ANK3: variants seen among roughly 807,000 people sequenced by gnomAD.
The protein encoded by ANK3 is ankyrin-3.
In ANK3, 57 loss-of-function variants were observed where a neutral mutation model predicts 370.9. The observed-to-expected ratio is 0.15, with a 90% confidence interval of 0.12 to 0.19. The LOEUF (loss-of-function observed/expected upper bound fraction) is 0.19. ANK3 is among the 10% of genes least tolerant of loss of function. The pLI, the probability that ANK3 is intolerant of heterozygous loss-of-function variation, is 1.00. For synonymous variants in ANK3, 1,929 were observed against 1,946.3 expected (o/e 0.99, Z 0.23); for missense variants, 4,439 against 5,302.1 (o/e 0.84, Z 5.06).
chr10:60,618,453 T>A (rs2133326186), intron 1 of ANK3, among the ~76,000 whole-genome samples: 1 of 152,206 alleles, frequency 6.6e-6, no homozygotes, highest in South Asian at 2.1e-4. Flanking sequence ...GAGACACAGG[T>A]GGGACTTCTC....
At chr10:60,147,330 C>T (rs12247414) in intron 23 of ANK3, among the ~76,000 whole-genome samples, 10,072 of 152,248 alleles carry the variant, frequency 0.066, 961 homozygotes, top group African/African-American at 0.21. Context: ...AGTGAGCATT[C>T]ACTTCCTGCC....
chr10:60,297,328 T>C (rs879623208), intron 1 of ANK3, among the ~76,000 whole-genome samples: 2 of 152,186 alleles, frequency 1.3e-5, no homozygotes, highest in Non-Finnish European at 1.5e-5. Context: ...AAGATATTCT[T>C]ACAAAAATCT....
At chr10:60,051,455 A>G (rs1275262610) in intron 42 of ANK3, 1 of 977,242 alleles carries the variant, frequency 1.0e-6, no homozygotes, top group Non-Finnish European at 1.2e-6. Flanking sequence ...ATGCCACATA[A>G]TGATCCAGCT....
intron 43 of ANK3, among the ~76,000 whole-genome samples, chr10:60,038,679 C>A (rs2075562444): frequency 6.6e-6 from 1 of 150,882 alleles, no homozygotes; most frequent in African/African-American, 2.4e-5. Flanking sequence ...CTACAGGGCT[C>A]TGAATGATGG....
At chr10:60,122,382 T>C (rs939283562) in intron 25 of ANK3, among the ~76,000 whole-genome samples, 4 of 152,160 alleles carry the variant, frequency 2.6e-5, no homozygotes, top group Non-Finnish European at 5.9e-5. Flanking sequence ...ACCACAGTCA[T>C]TGGGTAGGGG....
intron 1 of ANK3, among the ~76,000 whole-genome samples, chr10:60,308,637 G>A (rs977201973): frequency 1.3e-5 from 2 of 152,128 alleles, no homozygotes; most frequent in Non-Finnish European, 2.9e-5. Flanking sequence ...CAGGCTGAGG[G>A]AGGGGAGGAG....
intron 25 of ANK3, among the ~76,000 whole-genome samples, chr10:60,119,748 G>A (rs539016209): frequency 2.6e-4 from 39 of 152,122 alleles, no homozygotes; most frequent in African/African-American, 9.4e-4. Flanking sequence ...CTCTATCCTG[G>A]GCGAAAGAGC....
At position 60,188,246 on chromosome 10, in the gene ANK3, T is replaced by C. The variant is rs2096393486; in HGVS notation, c.1888-1334A>G. On this transcript the variant is annotated intron_variant, in intron 16 of 43. Transcript: ENST00000280772. Reference sequence around the variant, plus strand: ...GATACCCAGAGAGAGACAATCAAGATTCCCTTGATAAACTGTTAGTCAGCT... The same window carrying C: ...GATACCCAGAGAGAGACAATCAAGACTCCCTTGATAAACTGTTAGTCAGCT... Among the ~76,000 whole-genome samples the C allele has an allele frequency of 2.0e-5, 3 of 152,288 alleles. No homozygotes were observed. In the South Asian group the frequency reaches 6.2e-4, roughly 32 times the overall value.
Position 60,108,906 on chromosome 10 carries a change from G to A in ANK3, c.3097C>T (p.Pro1033Ser), listed in dbSNP as rs774072811. 4 of 1,614,066 alleles carry A rather than the reference G, an allele frequency of 2.5e-6. No individual in the cohort carries two copies. Among genetic ancestry groups the A allele is most frequent in the Non-Finnish European group, 3.4e-6 (4 of 1,179,976 alleles). Residue 1033 changes from proline (P) to serine (S), a missense_variant, in exon 27 of 44, where the codon CCA becomes TCA. By Grantham distance (74) the Pro-to-Ser change is moderately conservative. Coordinates refer to ENST00000280772, the MANE Select transcript of ANK3 (RefSeq NM_020987.5). ...CCCTCTCCTTCCACCATGGGGGGTG[G>A]GTTGGCCAGTTTATGTCTCTTTACC... is the stretch of plus-strand genomic sequence containing the variant. ...RLVKRHKLAN[P>S]PPMVEGEGLA...
chr10:60,635,013 T>C (rs373841447), intron 1 of ANK3, among the ~76,000 whole-genome samples: 1 of 152,154 alleles, frequency 6.6e-6, no homozygotes, highest in Non-Finnish European at 1.5e-5. Flanking sequence ...TTGAAGTCAG[T>C]GAGACCAAGA....
intron 9 of ANK3, 109 bp downstream of exon 9, chr10:60,213,303 C>T: frequency 1.4e-6 from 1 of 721,080 alleles, no homozygotes; most frequent in Admixed American, 2.6e-5. Flanking sequence ...AACATAACTA[C>T]TCTGACTGCT....
chr10:60,106,204 G>T, intron 27 of ANK3, 145 bp from the exon 28 acceptor site: 2 of 715,614 alleles, frequency 2.8e-6, no homozygotes, highest in Non-Finnish European at 2.2e-6. Flanking sequence ...AGAATCATTT[G>T]CTAATTAAAG....
At chr10:60,714,307 AC>A (rs1219117034) in intron 1 of ANK3, among the ~76,000 whole-genome samples, 1 of 152,200 alleles carries the variant, frequency 6.6e-6, no homozygotes, top group Non-Finnish European at 1.5e-5. Context: ...GGTGACTTCG[AC>A]CAAAAATTTG....
chr10:60,060,745 T>G (rs1264924257), intron 40 of ANK3: 1 of 152,172 alleles, frequency 6.6e-6, no homozygotes, highest in Admixed American at 6.5e-5. Flanking sequence ...CATGAAGGTC[T>G]TGGTGAAGTC....
At chr10:60,353,159 T>TTG (rs2057184402) in intron 1 of ANK3, among the ~76,000 whole-genome samples, 1 of 122,882 alleles carries the variant, frequency 8.1e-6, no homozygotes, top group South Asian at 2.6e-4. Flanking sequence ...TTTTGTTTTG[T>TTG]TTTTTTTTTT....
Position 60,106,035 on chromosome 10 carries a change from G to A in ANK3, c.3198C>T (p.His1066=), listed in dbSNP as rs1217277221. The A allele has an allele frequency of 3.7e-6, 6 of 1,609,032 alleles. No individual in the cohort carries two copies. The African/African-American group carries it at 8.0e-5, about 22-fold the overall frequency. ...TCTCTTTTCCTCTCATGGACCCAAA[G>A]TGAGGGATTTCCACTATGACAGGGC... The part of the protein sequence containing the change: ...FLGPVIVEIP[H]FGSMRGKERE... The change falls in exon 28 of 44, where the codon CAC becomes CAT. Residue 1066 remains histidine, a synonymous_variant. Transcript: ENST00000280772.
Position 60,069,188 on chromosome 10 carries a change from G to T in ANK3, c.11693C>A (p.Thr3898Asn). The stretch of plus-strand genomic sequence containing the variant: ...ACATGAAGAAGTAGTAAGGGCTTTG[G>T]TTTTCTCGGATTGACTAACCTGCTT... ...KMKQVSQSEKTKALTTSSCVD... is the reference protein window; with the variant it reads ...KMKQVSQSEKNKALTTSSCVD... The change falls in exon 37 of 44, where the codon ACC becomes AAC. Residue 3898 changes from threonine to asparagine, a missense_variant. Around this residue, in one of 13 missense-constraint regions of ANK3, gnomAD observed 496 missense variants for 529.3 expected, o/e 0.94. Coordinates refer to ENST00000280772, the MANE Select transcript of ANK3 (RefSeq NM_020987.5). 6.2e-7 allele frequency: 1 copy of T among 1,614,112 alleles called. No homozygotes were observed. The highest frequency in any genetic ancestry group is 8.5e-7 in the Non-Finnish European group (1 of 1,180,004).
At chr10:60,611,391 C>G (rs556547719) in intron 2 of ANK3, among the ~76,000 whole-genome samples, 2 of 152,276 alleles carry the variant, frequency 1.3e-5, no homozygotes, top group African/African-American at 4.8e-5. Context: ...CTGAACCTAA[C>G]AGAAGGCAGT....
chr10:60,553,174 G>T (rs72822818), intron 2 of ANK3, among the ~76,000 whole-genome samples: 111 of 152,084 alleles, frequency 7.3e-4, no homozygotes, highest in Admixed American at 1.0e-3. Flanking sequence ...TCCCTAATAC[G>T]GGGAGGTGCT....
Sources: gnomAD v4.1 joint callset for allele counts (sites outside exome capture counted in the v4.1 genomes callset) on GRCh38, gnomAD v4.1.1 for gene constraint, gnomAD v4.1.1 regional missense constraint, MANE v1.5 for transcripts, NCBI Gene and HGNC (gene_info 2026-07-23, HGNC 2026-07-21) for gene names.